The following ABHD17B variants were observed in gnomAD, a reference collection of about 807,000 sequenced individuals.
ABHD17B encodes the protein alpha/beta hydrolase domain-containing protein 17B.
In ABHD17B, 9 loss-of-function variants were observed where a neutral mutation model predicts 26.2. That is an observed-to-expected ratio of 0.34 (90% CI 0.21 to 0.60). The LOEUF (loss-of-function observed/expected upper bound fraction) is 0.60. Among genes scored for constraint, ABHD17B ranks in the 20% least tolerant of loss-of-function variants. ABHD17B has a pLI of 0.80. For missense variants in ABHD17B, 224 were observed against 352.1 expected (o/e 0.64, Z 2.91); for synonymous variants, 127 against 122.3 (o/e 1.04, Z -0.25).
chr9:71,899,859 G>GAAA (rs5898240), intron 1 of ABHD17B, among the ~76,000 whole-genome samples: 8 of 149,326 alleles, frequency 5.4e-5, no homozygotes, highest in African/African-American at 7.4e-5. Context: ...GTCCTTACAG[G>GAAA]AAAAAAAAAA....
At position 71,866,868 on chromosome 9, in the gene ABHD17B, T is replaced by C. The variant is rs1346194571; in HGVS notation, c.786A>G (p.Ala262=). 6.2e-7 allele frequency: 1 copy of C among 1,614,228 alleles called. No homozygotes were observed. Residue 262 remains alanine, a synonymous_variant, in exon 4 of 4, where the codon GCA becomes GCG. Transcript: ENST00000333421. ...RPVEPLWVEG[A]GHNDVELYGQ... ...CATAAAGTTCCACATCATTGTGACC[T>C]GCTCCTTCAACCCAGAGAGGCTCCA... is the stretch of plus-strand genomic sequence containing the variant.
chr9:71,885,685 A>C (rs1826586809), intron 1 of ABHD17B, among the ~76,000 whole-genome samples: 1 of 152,202 alleles, frequency 6.6e-6, no homozygotes, highest in Non-Finnish European at 1.5e-5. Context: ...TCAGCAAAAC[A>C]GGAAGACTAA....
intron 3 of ABHD17B, among the ~76,000 whole-genome samples, chr9:71,869,420 G>C (rs1826049121): frequency 6.6e-6 from 1 of 152,032 alleles, no homozygotes; most frequent in Admixed American, 6.6e-5. Flanking sequence ...CTTATTTCTT[G>C]TCTTCTCCTT....
intron 1 of ABHD17B, among the ~76,000 whole-genome samples, chr9:71,875,296 G>A (rs1300065389): frequency 1.3e-5 from 2 of 151,122 alleles, no homozygotes; most frequent in Non-Finnish European, 2.9e-5. Context: ...CGCAATCTCA[G>A]CTCATCATAA....
rs763125195 is a variant in ABHD17B at position 71,875,116 on chromosome 9, A to C, written c.-3-33T>G. ...AGAAAAGGAGATAGCAAATATTTTA[A>C]TAACTGAATGTAGACTCATACAATA... On this transcript the variant is annotated intron_variant, in intron 1 of 3. Coordinates refer to ENST00000333421, the MANE Select transcript of ABHD17B (RefSeq NM_001025780.3). 52 of 1,527,306 alleles carry C rather than the reference A, an allele frequency of 3.4e-5. 1 individual carries two copies. The East Asian group carries it at 6.1e-4, about 18-fold the overall frequency. The allele number at this position is 1,527,306 out of a possible 1,614,324, so 94.6% of individuals were successfully genotyped here.
rs545840313 is a variant in ABHD17B at position 71,871,700 on chromosome 9, T to G, written c.468-1438A>C. 6.8e-4 allele frequency among the ~76,000 whole-genome samples: 104 copies of G among 151,992 alleles called. 1 individual carries two copies. Among genetic ancestry groups the G allele is most frequent in the Non-Finnish European group, 1.1e-3 (75 of 67,982 alleles). ...CCTAACAGTATGAGCTAGAAAGGAG[T>G]TTAGAGACCATCTAATCTAGAGTCC... On this transcript the variant is annotated intron_variant, in intron 2 of 3. Coordinates refer to ENST00000333421, the MANE Select transcript of ABHD17B (RefSeq NM_001025780.3).
intron 1 of ABHD17B, among the ~76,000 whole-genome samples, chr9:71,885,805 C>T (rs1382351050): frequency 6.6e-6 from 1 of 151,938 alleles, no homozygotes; most frequent in Non-Finnish European, 1.5e-5. Context: ...TAACAATTTA[C>T]TAGGGGAAAA....
chr9:71,882,657 C>CAAAAAAA (rs1383637885), intron 1 of ABHD17B, among the ~76,000 whole-genome samples: 1 of 103,004 alleles, frequency 9.7e-6, no homozygotes, highest in African/African-American at 3.6e-5. Flanking sequence ...GATTCCATTT[C>CAAAAAAA]AAAAAAAAAA....
intron 1 of ABHD17B, among the ~76,000 whole-genome samples, chr9:71,887,072 C>A (rs76033993): frequency 0.01 from 1,523 of 151,882 alleles, 23 homozygotes; most frequent in African/African-American, 0.034. Context: ...TTGGGGTAAA[C>A]TGAACAAACG....
intron 1 of ABHD17B, among the ~76,000 whole-genome samples, chr9:71,909,095 C>A (rs1008159052): frequency 5.3e-5 from 8 of 152,154 alleles, no homozygotes; most frequent in African/African-American, 1.7e-4. Flanking sequence ...ATAAACATTT[C>A]AAAATGGGCA....
intron 1 of ABHD17B, among the ~76,000 whole-genome samples, chr9:71,891,462 T>C (rs1043897215): frequency 6.6e-6 from 1 of 152,250 alleles, no homozygotes; most frequent in Non-Finnish European, 1.5e-5. Context: ...ATCCACTATA[T>C]CTATAAAGCT....
intron 1 of ABHD17B, among the ~76,000 whole-genome samples, chr9:71,898,366 T>C (rs1827022147): frequency 6.6e-6 from 1 of 151,610 alleles, no homozygotes; most frequent in Non-Finnish European, 1.5e-5. Context: ...GCATGGTGGC[T>C]CACGCCTGTA....
chr9:71,903,997 A>G (rs1250387287), intron 1 of ABHD17B, among the ~76,000 whole-genome samples: 1 of 152,178 alleles, frequency 6.6e-6, no homozygotes, highest in Admixed American at 6.5e-5. Context: ...CCAGGAACAC[A>G]GGTTTCACTT....
chr9:71,863,646 A>C (rs1318851021), downstream of ABHD17B, among the ~76,000 whole-genome samples: 2 of 152,208 alleles, frequency 1.3e-5, no homozygotes, highest in African/African-American at 4.8e-5. Flanking sequence ...TAGTGATAAG[A>C]TACTCATTAA....
intron 1 of ABHD17B, among the ~76,000 whole-genome samples, chr9:71,904,400 T>C (rs1239178644): frequency 2.0e-5 from 3 of 152,196 alleles, no homozygotes; most frequent in Non-Finnish European, 4.4e-5. Flanking sequence ...TTCTCACTTT[T>C]AATTACTAGG....
chr9:71,904,825 AT>A (rs1302312877), intron 1 of ABHD17B, among the ~76,000 whole-genome samples: 14 of 152,200 alleles, frequency 9.2e-5, no homozygotes, highest in Admixed American at 9.2e-4. Context: ...AACAATTACT[AT>A]CACTGTAATT....
At chr9:71,872,980 G>A (rs1450347835) in intron 2 of ABHD17B, among the ~76,000 whole-genome samples, 1 of 151,318 alleles carries the variant, frequency 6.6e-6, no homozygotes, top group Non-Finnish European at 1.5e-5. Context: ...TTTCTTTGGA[G>A]GGAAAAATAG....
chr9:71,886,687 T>C (rs1564067999), intron 1 of ABHD17B, among the ~76,000 whole-genome samples: 1 of 151,946 alleles, frequency 6.6e-6, no homozygotes, highest in Non-Finnish European at 1.5e-5. Flanking sequence ...GTCTGGCTAA[T>C]TATTCGTACT....
rs1240067881 is a variant in ABHD17B, at chr9:71,866,942, T to A, written c.712A>T (p.Ile238Phe). 6.2e-7 allele frequency: 1 copy of A among 1,614,184 alleles called. No individual in the cohort carries two copies. Among genetic ancestry groups the A allele is most frequent in the Admixed American group, 1.7e-5 (1 of 60,030 alleles). ...LIIHGTEDEV[I>F]DFSHGLALFE... The stretch of plus-strand genomic sequence containing the variant: ...AATGCGAGGCCATGTGAAAAGTCAA[T>A]GACTTCATCTTCAGTCCCATGAATT... The change falls in exon 4 of 4, where the codon ATT becomes TTT. Residue 238 changes from isoleucine (I) to phenylalanine (F), a missense_variant. Ile to Phe is a conservative substitution (Grantham distance 21). Transcript: ENST00000333421.
Sources: gnomAD v4.1 joint callset for allele counts (sites outside exome capture counted in the v4.1 genomes callset) on GRCh38, gnomAD v4.1.1 for gene constraint, MANE v1.5 for transcripts, NCBI Gene and HGNC (gene_info 2026-07-23, HGNC 2026-07-21) for gene names.